Variants in RBFOX1 observed in about 807,000 individuals in gnomAD.
RBFOX1 encodes RNA binding fox-1 homolog 1, also known as RNA binding protein fox-1 homolog 1.
A neutral mutation model predicts 57.7 loss-of-function variants in RBFOX1; 8 were observed. The observed-to-expected ratio is 0.14, with a 90% CI of 0.08 to 0.25. The LOEUF (loss-of-function observed/expected upper bound fraction) is 0.25. Ranked by LOEUF, RBFOX1 falls within the 10% of genes least tolerant of loss-of-function variation. The pLI, the probability that RBFOX1 is intolerant of heterozygous loss-of-function variation, is 1.00. For synonymous variants in RBFOX1, 326 were observed against 222.4 expected, an observed-to-expected ratio of 1.47 and a Z score of -4.15; for missense variants, 611 against 548.5, an observed-to-expected ratio of 1.11 and a Z score of -1.14.
At chr16:6,439,332 G>A (rs980350815) in intron 2 of RBFOX1, among the ~76,000 whole-genome samples, 3 of 152,078 alleles carry the variant, frequency 2.0e-5, no homozygotes, top group Non-Finnish European at 2.9e-5. Flanking sequence ...TTGTCAGGAC[G>A]GCCAACCTCT....
At chr16:7,394,635 T>A (rs1313922512) in intron 4 of RBFOX1, among the ~76,000 whole-genome samples, 1 of 152,190 alleles carries the variant, frequency 6.6e-6, no homozygotes, top group Non-Finnish European at 1.5e-5. Context: ...AGTGTCTGGA[T>A]TCTCGATCAC....
In RBFOX1 at chr16:6,658,835, A is replaced by C. The variant is rs574007573; in HGVS notation, c.-16+4185A>C. 2.0e-5 allele frequency among the ~76,000 whole-genome samples: 3 copies of C among 152,108 alleles called. No homozygotes were observed. The East Asian group carries it at 5.8e-4, about 30-fold the overall frequency. ...TCCTGGCCATTGCTTAAACTCTCTCAGAGGGTGTCCTAGGGAGATCCTAAG... is the reference window on the plus strand; with the variant it reads ...TCCTGGCCATTGCTTAAACTCTCTCCGAGGGTGTCCTAGGGAGATCCTAAG... On this transcript the variant is annotated intron_variant, in intron 3 of 15. Coordinates refer to ENST00000550418, the MANE Select transcript of RBFOX1 (RefSeq NM_018723.4).
Position 6,101,517 on chromosome 16 carries a change from G to T in RBFOX1, c.-127+81525G>T, listed in dbSNP as rs189515830. ...TTTTATTTTTTTGAGACAGAGTTTC[G>T]CTCTTGTTGCCTAGGCTGGAGTGCA... On this transcript the variant is annotated intron_variant, in intron 1 of 15. Coordinates refer to ENST00000550418, the MANE Select transcript of RBFOX1 (RefSeq NM_018723.4). Among the ~76,000 whole-genome samples the T allele has an allele frequency of 1.4e-4, 21 of 151,684 alleles. No individual in the cohort carries two copies. The South Asian group carries it at 4.4e-3, about 32-fold the overall frequency.
At chr16:6,929,161 C>G (rs929463676) in intron 3 of RBFOX1, among the ~76,000 whole-genome samples, 3 of 152,108 alleles carry the variant, frequency 2.0e-5, no homozygotes, top group Admixed American at 2.0e-4. Context: ...CCTGGATACC[C>G]TACTACCTTC....
chr16:6,391,927 T>A (rs1355973542), intron 2 of RBFOX1, among the ~76,000 whole-genome samples: 1 of 151,924 alleles, frequency 6.6e-6, no homozygotes, highest in Non-Finnish European at 1.5e-5. Context: ...GAGGAGAGAG[T>A]GAATAAGTCT....
At chr16:6,699,546 C>G (rs2061524215) in intron 3 of RBFOX1, among the ~76,000 whole-genome samples, 2 of 152,192 alleles carry the variant, frequency 1.3e-5, no homozygotes, top group East Asian at 1.9e-4. Context: ...TTGGGCACTC[C>G]AGTAACAAAC....
intron 4 of RBFOX1, among the ~76,000 whole-genome samples, chr16:7,065,276 T>A (rs2055682571): frequency 6.6e-6 from 1 of 152,180 alleles, no homozygotes; most frequent in Non-Finnish European, 1.5e-5. Context: ...AAGGTGCCCG[T>A]GTGGTCCTTT....
At chr16:6,774,681 G>A (rs573210274) in intron 3 of RBFOX1, among the ~76,000 whole-genome samples, 3 of 152,032 alleles carry the variant, frequency 2.0e-5, no homozygotes, top group Non-Finnish European at 4.4e-5. Flanking sequence ...CAGTAAATTA[G>A]CATTAGCATT....
At chr16:5,666,740 A>G (rs1035757957) in intron 3 of RBFOX1, among the ~76,000 whole-genome samples, 1 of 152,160 alleles carries the variant, frequency 6.6e-6, no homozygotes, top group Non-Finnish European at 1.5e-5. Flanking sequence ...TAGGGAATGG[A>G]TCTCTATTTC....
intron 2 of RBFOX1, among the ~76,000 whole-genome samples, chr16:6,515,729 C>A (rs1013891031): frequency 6.6e-6 from 1 of 152,100 alleles, no homozygotes; most frequent in African/African-American, 2.4e-5. Flanking sequence ...CTACCCCATA[C>A]CTCCACTGTG....
intron 4 of RBFOX1, among the ~76,000 whole-genome samples, chr16:7,151,030 T>C (rs1234643395): frequency 6.6e-6 from 1 of 152,208 alleles, no homozygotes. Flanking sequence ...TCCAAAATTA[T>C]TTTTGTGGTA....
intron 2 of RBFOX1, among the ~76,000 whole-genome samples, chr16:6,539,641 T>A (rs2096783945): frequency 6.6e-6 from 1 of 151,838 alleles, no homozygotes; most frequent in African/African-American, 2.4e-5. Flanking sequence ...CTACTAAAAA[T>A]ACAAAAATTA....
intron 4 of RBFOX1, among the ~76,000 whole-genome samples, chr16:7,184,472 A>G (rs1165827086): frequency 6.6e-6 from 1 of 152,210 alleles, no homozygotes; most frequent in Non-Finnish European, 1.5e-5. Flanking sequence ...CATTGCATGC[A>G]TGTTTTTACC....
At chr16:6,483,433 G>C (rs1325235175) in intron 2 of RBFOX1, 1 of 1,535,498 alleles carries the variant, frequency 6.5e-7, no homozygotes, top group African/African-American at 1.4e-5. Context: ...GCCGTTTGCT[G>C]TTGCCTCGGA....
intron 4 of RBFOX1, among the ~76,000 whole-genome samples, chr16:5,935,954 G>T (rs988084947): frequency 6.6e-6 from 1 of 152,094 alleles, no homozygotes; most frequent in African/African-American, 2.4e-5. Context: ...GAGGCCCTCA[G>T]GGCCTTCGTT....
chr16:7,096,214 A>G (rs1457297348), intron 4 of RBFOX1, among the ~76,000 whole-genome samples: 6 of 152,146 alleles, frequency 3.9e-5, no homozygotes, highest in East Asian at 1.9e-4. Context: ...AGTAGTCGAT[A>G]AAAGTGTTAT....
chr16:6,176,088 T>A (rs1034442279), intron 1 of RBFOX1, among the ~76,000 whole-genome samples: 6 of 152,144 alleles, frequency 3.9e-5, no homozygotes, highest in African/African-American at 7.2e-5. Flanking sequence ...GCTTAATTTC[T>A]TAAGTCAGAG....
intron 3 of RBFOX1, among the ~76,000 whole-genome samples, chr16:5,831,269 T>G (rs538214335): frequency 4.8e-4 from 73 of 151,814 alleles, no homozygotes; most frequent in Admixed American, 4.2e-3. Context: ...GATGAGTGAG[T>G]GAGTTTTCCA....
At chr16:5,366,891 G>C (rs1230182490) in intron 1 of RBFOX1, among the ~76,000 whole-genome samples, 2 of 152,228 alleles carry the variant, frequency 1.3e-5, no homozygotes, top group African/African-American at 4.8e-5. Flanking sequence ...CCCTTTGCTT[G>C]GTCTTAAGTA....
Sources: gnomAD v4.1 joint callset for allele counts (sites outside exome capture counted in the v4.1 genomes callset) on GRCh38, gnomAD v4.1.1 for gene constraint, MANE v1.5 for transcripts, NCBI Gene and HGNC (gene_info 2026-07-23, HGNC 2026-07-21) for gene names.